The following OXR1 variants were observed in gnomAD, a reference collection of about 807,000 sequenced individuals.
OXR1 encodes the protein oxidation resistance protein 1.
A neutral mutation model predicts 104.6 loss-of-function variants in OXR1; 41 were observed. The observed-to-expected ratio is 0.39, with a 90% confidence interval of 0.31 to 0.51. OXR1 has a LOEUF of 0.51. OXR1 is among the 20% of genes least tolerant of loss of function. The probability of loss-of-function intolerance (pLI) is 0.77; values close to 1 mark genes in which losing one functional copy is unlikely to be tolerated. For missense variants in OXR1, 955 were observed against 1,031.9 expected, an observed-to-expected ratio of 0.93 and a Z score of 1.02; for synonymous variants, 348 against 348.4, an observed-to-expected ratio of 1.00 and a Z score of 0.01.
At chr8:106,469,124 T>C (rs1821348947) in intron 2 of OXR1, among the ~76,000 whole-genome samples, 2 of 151,834 alleles carry the variant, frequency 1.3e-5, no homozygotes, top group Admixed American at 1.3e-4. Context: ...TCTGTGAACA[T>C]GATAACCAAA....
chr8:106,376,810 A>G (rs1378293124), intron 2 of OXR1, among the ~76,000 whole-genome samples: 1 of 152,220 alleles, frequency 6.6e-6, no homozygotes, highest in Non-Finnish European at 1.5e-5. Flanking sequence ...TATCCCGTCA[A>G]CAGAAATGCT....
intron 2 of OXR1, among the ~76,000 whole-genome samples, chr8:106,435,106 C>T (rs895706329): frequency 4.6e-5 from 7 of 152,082 alleles, no homozygotes; most frequent in African/African-American, 1.4e-4. Flanking sequence ...TGCAGACATC[C>T]GGTGACAGAC....
chr8:106,506,469 C>T (rs561969228), intron 2 of OXR1, among the ~76,000 whole-genome samples: 2,539 of 152,034 alleles, frequency 0.017, 38 homozygotes, highest in Non-Finnish European at 0.025. Context: ...AAAAATTAGC[C>T]GGGTGTGGTG....
intron 3 of OXR1, among the ~76,000 whole-genome samples, chr8:106,556,808 G>C (rs922408329): frequency 3.9e-5 from 6 of 152,116 alleles, no homozygotes; most frequent in Non-Finnish European, 8.8e-5. Context: ...TGCTGGTGTT[G>C]CTTCACAGTC....
At chr8:106,487,117 G>A (rs1387215513) in intron 2 of OXR1, among the ~76,000 whole-genome samples, 2 of 149,676 alleles carry the variant, frequency 1.3e-5, no homozygotes, top group South Asian at 2.1e-4. Flanking sequence ...TTCACCTCCC[G>A]GGTTCAAGCG....
chr8:106,678,792 T>G (rs1827851904), intron 3 of OXR1, among the ~76,000 whole-genome samples: 1 of 149,116 alleles, frequency 6.7e-6, no homozygotes, highest in Non-Finnish European at 1.5e-5. Flanking sequence ...TAGAAAAATT[T>G]TTTCCTGTGA....
intron 2 of OXR1, among the ~76,000 whole-genome samples, chr8:106,405,172 A>G (rs1390837223): frequency 0.18 from 7,323 of 41,562 alleles, 736 homozygotes; most frequent in African/African-American, 0.38. Context: ...ATATATATAT[A>G]TATATATATA....
chr8:106,544,978 A>G (rs1371119110), intron 3 of OXR1, among the ~76,000 whole-genome samples: 2 of 152,178 alleles, frequency 1.3e-5, no homozygotes, highest in Admixed American at 1.3e-4. Context: ...GAAGTTTGAC[A>G]TTAGACTTTT....
chr8:106,428,003 G>A (rs746061682), intron 2 of OXR1, among the ~76,000 whole-genome samples: 16 of 152,240 alleles, frequency 1.1e-4, no homozygotes, highest in Non-Finnish European at 1.9e-4. Flanking sequence ...GCCTAATACC[G>A]AGGAACAAAT....
intron 2 of OXR1, among the ~76,000 whole-genome samples, chr8:106,489,890 C>T (rs1173538781): frequency 6.6e-6 from 1 of 152,062 alleles, no homozygotes; most frequent in East Asian, 1.9e-4. Context: ...TTTTCCTGTA[C>T]ATAAGGTGAT....
chr8:106,727,356 A>G (rs117924039), intron 11 of OXR1, among the ~76,000 whole-genome samples: 4 of 152,320 alleles, frequency 2.6e-5, no homozygotes, highest in East Asian at 3.9e-4. Flanking sequence ...GGTCAATCTA[A>G]TTAATGTGCA....
chr8:106,514,242 T>A lies in OXR1; in HGVS notation c.24-4701T>A, dbSNP rs569507125. On this transcript the variant is annotated intron_variant, in intron 2 of 16. Transcript: ENST00000517566. Reference sequence around the variant, plus strand: ...CCATTATGCCATATTTACATTTGTTTAACGCATTTAATTAAGAACATTGTT... The same window carrying A: ...CCATTATGCCATATTTACATTTGTTAAACGCATTTAATTAAGAACATTGTT... 4.5e-4 allele frequency among the ~76,000 whole-genome samples: 68 copies of A among 152,302 alleles called. 1 individual carries two copies. In the South Asian group the frequency reaches 0.014, roughly 31 times the overall value.
At chr8:106,549,642 A>G (rs979048925) in intron 3 of OXR1, among the ~76,000 whole-genome samples, 6 of 152,208 alleles carry the variant, frequency 3.9e-5, no homozygotes, top group Admixed American at 3.9e-4. Context: ...TGGAGAGTTC[A>G]AGATCAACGC....
chr8:106,655,066 T>C (rs1335793168), intron 3 of OXR1, among the ~76,000 whole-genome samples: 4 of 152,116 alleles, frequency 2.6e-5, no homozygotes, highest in East Asian at 1.9e-4. Context: ...GACCAAGCAT[T>C]ATATGAAATG....
At chr8:106,399,029 T>C (rs1817898108) in intron 2 of OXR1, among the ~76,000 whole-genome samples, 1 of 152,198 alleles carries the variant, frequency 6.6e-6, no homozygotes, top group South Asian at 2.1e-4. Flanking sequence ...ACTTTTTCAC[T>C]ACTGTCTTTA....
chr8:106,659,408 A>G (rs758839404), intron 3 of OXR1, among the ~76,000 whole-genome samples: 1 of 152,202 alleles, frequency 6.6e-6, no homozygotes, highest in Non-Finnish European at 1.5e-5. Flanking sequence ...AATATTTTTT[A>G]TCTTTAGAAA....
chr8:106,595,328 G>T (rs868393535), intron 3 of OXR1, among the ~76,000 whole-genome samples: 1 of 152,068 alleles, frequency 6.6e-6, no homozygotes, highest in Non-Finnish European at 1.5e-5. Context: ...AAGGAGGGAG[G>T]ATCACGAGGT....
chr8:106,677,119 G>C (rs977878389), intron 3 of OXR1, among the ~76,000 whole-genome samples: 15 of 151,938 alleles, frequency 9.9e-5, no homozygotes, highest in Non-Finnish European at 2.2e-4. Flanking sequence ...AATTAAGGAA[G>C]GGTATATTAT....
intron 1 of OXR1, among the ~76,000 whole-genome samples, chr8:106,292,941 G>C (rs1033293719): frequency 6.6e-6 from 1 of 152,248 alleles, no homozygotes. Flanking sequence ...CTAGAGCAGG[G>C]TAAGAGCAGA....
Sources: gnomAD v4.1 joint callset for allele counts (sites outside exome capture counted in the v4.1 genomes callset) on GRCh38, gnomAD v4.1.1 for gene constraint, MANE v1.5 for transcripts, NCBI Gene and HGNC (gene_info 2026-07-23, HGNC 2026-07-21) for gene names.